Variants in MAP3K3 observed in about 807,000 individuals in gnomAD.
The protein encoded by MAP3K3 is mitogen-activated protein kinase kinase kinase 3, also known as MAP/ERK kinase kinase 3.
MAP3K3 carries 12 observed loss-of-function variants against 80.9 expected under a neutral mutation model. That is an observed-to-expected ratio of 0.15 (90% CI 0.10 to 0.24). MAP3K3 has a LOEUF of 0.24. Ranked by LOEUF, MAP3K3 falls within the 10% of genes least tolerant of loss-of-function variation. The probability of loss-of-function intolerance (pLI) is 1.00; values close to 1 mark genes in which losing one functional copy is unlikely to be tolerated. For missense variants in MAP3K3, 596 were observed against 834.7 expected, an observed-to-expected ratio of 0.71 and a Z score of 3.52; for synonymous variants, 272 against 307.1, an observed-to-expected ratio of 0.89 and a Z score of 1.19.
At chr17:63,644,021 T>C (rs997244577) in intron 2 of MAP3K3, among the ~76,000 whole-genome samples, 3 of 152,206 alleles carry the variant, frequency 2.0e-5, no homozygotes, top group Non-Finnish European at 4.4e-5. Context: ...CTTAATCTTA[T>C]TGTAACTCAG....
At chr17:63,642,949 C>T (rs1033778648) in intron 2 of MAP3K3, among the ~76,000 whole-genome samples, 2 of 151,272 alleles carry the variant, frequency 1.3e-5, no homozygotes, top group African/African-American at 4.9e-5. Context: ...GTAGAGATGG[C>T]GTTTTGCCAT....
At chr17:63,645,131 A>G (rs2034516645) in intron 2 of MAP3K3, among the ~76,000 whole-genome samples, 1 of 152,226 alleles carries the variant, frequency 6.6e-6, no homozygotes, top group East Asian at 1.9e-4. Flanking sequence ...AAATATTATT[A>G]AGCACAAATA....
At chr17:63,641,140 G>T (rs984163697) in intron 2 of MAP3K3, among the ~76,000 whole-genome samples, 1 of 151,974 alleles carries the variant, frequency 6.6e-6, no homozygotes, top group African/African-American at 2.4e-5. Flanking sequence ...CCAATTATAT[G>T]ATTTAATTCT....
At position 63,634,671 on chromosome 17, in the gene MAP3K3, G is replaced by C. The variant is rs200763634; in HGVS notation, c.126+1869G>C. 14 of 1,528,622 alleles carry C rather than the reference G, an allele frequency of 9.2e-6. No individual in the cohort carries two copies. The African/African-American group carries it at 1.5e-4, about 17-fold the overall frequency. The allele number at this position is 1,528,622 out of a possible 1,614,324, so 94.7% of individuals were successfully genotyped here. A position where few individuals can be genotyped will look rare whatever the true frequency, so the allele number is the denominator to read the frequency against. ...GTTGTCAAACTTATGTTGCACGAAG[G>C]ATACAAATTATTAACCTCAGTTTTT... is the stretch of plus-strand genomic sequence containing the variant. On this transcript the variant is annotated intron_variant, in intron 2 of 15. Coordinates refer to ENST00000361733, the MANE Select transcript of MAP3K3 (RefSeq NM_002401.5).
intron 5 of MAP3K3, among the ~76,000 whole-genome samples, chr17:63,666,053 T>C (rs2143455136): frequency 6.6e-6 from 1 of 152,290 alleles, no homozygotes; most frequent in East Asian, 1.9e-4. Flanking sequence ...CATCACTTGA[T>C]TACCTCCAGG....
In MAP3K3 at chr17:63,667,023, C is replaced by T. The variant is rs1051733710; in HGVS notation, c.465C>T (p.Tyr155=). ...CCGCAGGGGATATAAATACTATCTA[C>T]CAGCCCCCCGAGCCCAGAAGCAGGC... ...SQSAGDINTI[Y]QPPEPRSRHL... is the part of the protein sequence containing the mutation. The change falls in exon 6 of 16, where the codon TAC becomes TAT. Residue 155 remains tyrosine (Y), a synonymous_variant. Transcript: ENST00000361733. 1 of 1,611,670 alleles carries T rather than the reference C, an allele frequency of 6.2e-7. No individual in the cohort carries two copies. The highest frequency in any genetic ancestry group is 1.3e-5 in the African/African-American group (1 of 74,876).
At chr17:63,646,194 G>T in intron 3 of MAP3K3, 120 bp downstream of exon 3, 2 of 841,776 alleles carry the variant, frequency 2.4e-6, no homozygotes, top group East Asian at 5.3e-5. Flanking sequence ...TGGGTAATAG[G>T]GTGGATTGGG....
rs1268395665 is a variant in MAP3K3 at position 63,689,762 on chromosome 17, AG to A, written c.1063+28del. 71 of 1,587,926 alleles carry A rather than the reference AG, an allele frequency of 4.5e-5. No individual in the cohort carries two copies. Among genetic ancestry groups the A allele is most frequent in the Non-Finnish European group, 5.6e-5 (65 of 1,163,882 alleles). On this transcript the variant is annotated intron_variant, in intron 11 of 15. Transcript: ENST00000361733. This position sits in a 1 kb window ranked among gnomAD's most constrained non-coding sequence, Gnocchi z 4.3. ...TGAGGAGCTGTCCCTGGCTAGGAGG[AG>A]ACTGCCCAGGTGGTCTCAGACAAGC...
intron 4 of MAP3K3, among the ~76,000 whole-genome samples, chr17:63,656,985 G>A (rs78303651): frequency 6.6e-5 from 10 of 152,136 alleles, no homozygotes; most frequent in African/African-American, 1.7e-4. Flanking sequence ...GAAAAGCTCC[G>A]TGAGAATGGA....
chr17:63,678,919 A>G (rs2035274938), intron 6 of MAP3K3, among the ~76,000 whole-genome samples: 1 of 152,186 alleles, frequency 6.6e-6, no homozygotes, highest in Admixed American at 6.5e-5. Flanking sequence ...AATCCCAGCT[A>G]TTCAGGAGGC....
intron 2 of MAP3K3, chr17:63,636,971 C>T: frequency 4.9e-6 from 3 of 606,714 alleles, no homozygotes; most frequent in East Asian, 4.3e-5. Flanking sequence ...CAAGCTGGTG[C>T]CCATGGGCTA....
chr17:63,679,829 C>T lies in MAP3K3; in HGVS notation c.503-1937C>T, dbSNP rs1036094393. Among the ~76,000 whole-genome samples, 7 of 152,118 alleles carry T rather than the reference C, an allele frequency of 4.6e-5. 1 individual carries two copies. Among genetic ancestry groups the T allele is most frequent in the Non-Finnish European group, 1.0e-4 (7 of 68,038 alleles). On this transcript the variant is annotated intron_variant, in intron 6 of 15. Coordinates refer to ENST00000361733, the MANE Select transcript of MAP3K3 (RefSeq NM_002401.5). ...ATACATATATGTATAAACATGTATA[C>T]ACACACACATACATAAAACTAAAAC...
intron 3 of MAP3K3, among the ~76,000 whole-genome samples, chr17:63,648,528 T>C (rs1417480100): frequency 6.6e-6 from 1 of 152,136 alleles, no homozygotes. Context: ...GAAAAAAATA[T>C]AAGAATTACA....
rs2035671755 is a variant in MAP3K3, at chr17:63,695,378, AAGAG to A, written c.*1607_*1610del. On this transcript the variant is annotated 3_prime_UTR_variant, in exon 16 of 16. Transcript: ENST00000361733. The surrounding 1 kb of genome is among the most constrained non-coding windows in gnomAD (Gnocchi z 4.1). ...GACTGTTACAGGTGACGGACGCCTC[AAGAG>A]AGAGAAGAGAAAATGAAAGCAGCTG... 1 of 152,592 alleles carries A rather than the reference AAGAG, an allele frequency of 6.6e-6. No homozygotes were observed. Among genetic ancestry groups the A allele is most frequent in the Non-Finnish European group, 1.5e-5 (1 of 68,028 alleles). The allele number at this position is 152,592 out of a possible 1,614,324, so 9.5% of individuals were successfully genotyped here. A position where few individuals can be genotyped will look rare whatever the true frequency, so the allele number is the denominator to read the frequency against.
intron 6 of MAP3K3, chr17:63,668,308 C>T (rs1231535841): frequency 6.6e-6 from 1 of 152,216 alleles, no homozygotes; most frequent in Non-Finnish European, 1.5e-5. Flanking sequence ...TACTGAGTAA[C>T]TTCTGGAATC....
intron 3 of MAP3K3, among the ~76,000 whole-genome samples, chr17:63,647,202 AGT>A (rs1410907682): frequency 1.3e-5 from 2 of 152,196 alleles, no homozygotes; most frequent in Admixed American, 6.5e-5. Context: ...CATTGTGGAA[AGT>A]GTGGTCTGCA....
chr17:63,661,613 T>A (rs1568137908), intron 5 of MAP3K3, among the ~76,000 whole-genome samples: 1 of 152,252 alleles, frequency 6.6e-6, no homozygotes. Flanking sequence ...ACTAAACACC[T>A]AGCCACTTTG....
At position 63,695,349 on chromosome 17, in the gene MAP3K3, T is replaced by G. The variant is rs1333002598; in HGVS notation, c.*1572T>G. 6.5e-6 allele frequency: 1 copy of G among 152,694 alleles called. No individual in the cohort carries two copies. The highest frequency in any genetic ancestry group is 1.5e-5 in the Non-Finnish European group (1 of 68,050). 9.5% of individuals were successfully genotyped at this position (152,694 alleles called of 1,614,324 possible). A position where few individuals can be genotyped will look rare whatever the true frequency, so the allele number is the denominator to read the frequency against. On this transcript the variant is annotated 3_prime_UTR_variant, in exon 16 of 16. Coordinates refer to ENST00000361733, the MANE Select transcript of MAP3K3 (RefSeq NM_002401.5). The surrounding 1 kb of genome is among the most constrained non-coding windows in gnomAD (Gnocchi z 4.1). The stretch of plus-strand genomic sequence containing the variant: ...TTTGATGGTTTTTATATATATCAAT[T>G]CTAGACTGTTACAGGTGACGGACGC...
intron 2 of MAP3K3, among the ~76,000 whole-genome samples, chr17:63,636,394 T>C (rs1021221226): frequency 6.6e-6 from 1 of 152,202 alleles, no homozygotes; most frequent in African/African-American, 2.4e-5. Context: ...ATATTGGGTC[T>C]CTGGAAGCCT....
Sources: gnomAD v4.1 joint callset for allele counts (sites outside exome capture counted in the v4.1 genomes callset) on GRCh38, gnomAD v4.1.1 for gene constraint, Gnocchi (gnomAD v3.1) non-coding constraint, MANE v1.5 for transcripts, NCBI Gene and HGNC (gene_info 2026-07-23, HGNC 2026-07-21) for gene names.